SMAP1: variants seen among roughly 807,000 people sequenced by gnomAD.
SMAP1 encodes stromal membrane-associated protein 1.
A neutral mutation model predicts 58.5 loss-of-function variants in SMAP1; 24 were observed. The observed-to-expected ratio is 0.41, with a 90% CI of 0.30 to 0.58. The LOEUF (loss-of-function observed/expected upper bound fraction) is 0.58, where lower values mean the gene tolerates loss of function less well. SMAP1 is among the 20% of genes least tolerant of loss of function. The pLI is 0.29. For missense variants in SMAP1, 563 were observed against 566.3 expected, an observed-to-expected ratio of 0.99 and a Z score of 0.06; for synonymous variants, 216 against 196.6, an observed-to-expected ratio of 1.10 and a Z score of -0.82.
At chr6:70,695,460 A>G (rs941474936) in intron 1 of SMAP1, among the ~76,000 whole-genome samples, 4 of 152,134 alleles carry the variant, frequency 2.6e-5, no homozygotes, top group African/African-American at 9.7e-5. Flanking sequence ...TGTTCCTTCC[A>G]TACCCAATTT....
chr6:70,672,876 ACACACATGTAC>A (rs375274012), intron 1 of SMAP1, among the ~76,000 whole-genome samples: 29 of 152,124 alleles, frequency 1.9e-4, no homozygotes, highest in African/African-American at 7.0e-4. Flanking sequence ...ACAGCTGCAC[ACACACATGTAC>A]CAGTATGAAA....
intron 1 of SMAP1, among the ~76,000 whole-genome samples, chr6:70,680,755 G>T (rs1014088592): frequency 9.2e-6 from 1 of 109,234 alleles, no homozygotes; most frequent in African/African-American, 3.5e-5. Context: ...GTCTCACTGT[G>T]TCTCCCAGGC....
intron 1 of SMAP1, among the ~76,000 whole-genome samples, chr6:70,672,192 A>G (rs1193561465): frequency 4.6e-5 from 7 of 152,206 alleles, no homozygotes; most frequent in Admixed American, 4.6e-4. Context: ...TGATTCTAAA[A>G]CGATGTGCTA....
Position 70,856,976 on chromosome 6 carries a change from G to T in SMAP1, c.907G>T (p.Asp303Tyr). 5 of 1,613,950 alleles carry T rather than the reference G, an allele frequency of 3.1e-6. 1 individual carries two copies. The highest frequency in any genetic ancestry group is 4.2e-6 in the Non-Finnish European group (5 of 1,179,888). Residue 303 changes from aspartate (D) to tyrosine (Y), a missense_variant, in exon 9 of 11, where the codon GAC (aspartate) becomes TAC (tyrosine). Coordinates refer to ENST00000370455, the MANE Select transcript of SMAP1 (RefSeq NM_001044305.3). ...AGTGGCAAAGAAACAACTTTCCAAA[G>T]ACTCCATCTTATCTCTGTATGGCAC... The part of the protein sequence containing the change: ...EEVAKKQLSK[D>Y]SILSLYGTGT...
chr6:70,801,124 A>G (rs988179935), intron 6 of SMAP1, among the ~76,000 whole-genome samples: 3 of 152,184 alleles, frequency 2.0e-5, no homozygotes, highest in African/African-American at 7.2e-5. Context: ...ACTAATTTAT[A>G]CTACCACCAA....
At chr6:70,802,882 TC>T (rs369606851) in intron 6 of SMAP1, among the ~76,000 whole-genome samples, 66,849 of 151,878 alleles carry the variant, frequency 0.44, 14,988 homozygotes, top group South Asian at 0.5. Context: ...GATAAGCTTT[TC>T]GATGTGCTGC....
chr6:70,674,600 A>G (rs1045172797), intron 1 of SMAP1, among the ~76,000 whole-genome samples: 8 of 152,320 alleles, frequency 5.3e-5, no homozygotes, highest in East Asian at 3.9e-4. Context: ...TTTAACAGAC[A>G]TTTAATTTTG....
chr6:70,767,499 A>C (rs547436364), intron 3 of SMAP1, among the ~76,000 whole-genome samples: 35 of 152,212 alleles, frequency 2.3e-4, no homozygotes, highest in African/African-American at 6.0e-4. Context: ...GTATTTTATT[A>C]TCTTTGAAGC....
Position 70,766,316 on chromosome 6 carries a change from A to G in SMAP1, c.339-7034A>G, listed in dbSNP as rs940010858. 8.9e-4 allele frequency among the ~76,000 whole-genome samples: 135 copies of G among 152,312 alleles called. 1 individual carries two copies. The highest frequency in any genetic ancestry group is 2.7e-3 in the African/African-American group (114 of 41,574). ...TCTAGTTCTAGATCCCTGAGGAATC[A>G]ACACACTGACTTCCACAATGGTTGA... On this transcript the variant is annotated intron_variant, in intron 3 of 10. Transcript: ENST00000370455.
intron 6 of SMAP1, among the ~76,000 whole-genome samples, 170 bp from the exon 7 acceptor site, chr6:70,836,771 C>T (rs1184403961): frequency 6.6e-6 from 1 of 152,194 alleles, no homozygotes; most frequent in Non-Finnish European, 1.5e-5. Flanking sequence ...GCAACTTCAA[C>T]AGTCATGTTC....
chr6:70,793,713 T>TA (rs1490405776), intron 5 of SMAP1, among the ~76,000 whole-genome samples: 1 of 151,710 alleles, frequency 6.6e-6, no homozygotes, highest in Non-Finnish European at 1.5e-5. Context: ...TATTTTATTT[T>TA]TATTTATTTA....
chr6:70,860,097 C>T (rs1002143622), intron 10 of SMAP1, 103 bp from the exon 11 acceptor site: 85 of 1,304,376 alleles, frequency 6.5e-5, no homozygotes, highest in Non-Finnish European at 8.4e-5. Context: ...AGTGCTTGGA[C>T]TAGTTGTCAC....
chr6:70,681,618 ACTT>A (rs1766713881), intron 1 of SMAP1, among the ~76,000 whole-genome samples: 1 of 152,162 alleles, frequency 6.6e-6, no homozygotes, highest in South Asian at 2.1e-4. Flanking sequence ...GAAGTGATAA[ACTT>A]CTTGATGCTG....
intron 3 of SMAP1, among the ~76,000 whole-genome samples, chr6:70,766,672 A>C (rs1767002820): frequency 6.6e-6 from 1 of 152,138 alleles, no homozygotes; most frequent in African/African-American, 2.4e-5. Flanking sequence ...ATAGGTTGCA[A>C]AAATTTTCTC....
At chr6:70,673,337 T>C (rs937326482) in intron 1 of SMAP1, among the ~76,000 whole-genome samples, 2 of 152,234 alleles carry the variant, frequency 1.3e-5, no homozygotes, top group African/African-American at 4.8e-5. Flanking sequence ...CGTTTTTTGT[T>C]AGTTGCCCTT....
chr6:70,742,662 C>G (rs1382896813), intron 2 of SMAP1, among the ~76,000 whole-genome samples: 1 of 152,156 alleles, frequency 6.6e-6, no homozygotes, highest in African/African-American at 2.4e-5. Flanking sequence ...GGTATCTTTA[C>G]AGCAGTGCCC....
chr6:70,791,638 A>T lies in SMAP1; in HGVS notation c.415-51A>T, dbSNP rs762643035. ...TTCTTTCCTGTGCCTGTCAATTCTC[A>T]TTACCTTCTTTTTGTTTTTTTCCTC... On this transcript the variant is annotated intron_variant, in intron 4 of 10. Transcript: ENST00000370455. 5.4e-6 allele frequency: 8 copies of T among 1,487,720 alleles called. No homozygotes were observed. In the African/African-American group the frequency reaches 9.8e-5, roughly 18 times the overall value. The allele number at this position is 1,487,720 out of a possible 1,614,324, so 92.2% of individuals were successfully genotyped here. A position where few individuals can be genotyped will look rare whatever the true frequency, so the allele number is the denominator to read the frequency against.
chr6:70,757,514 C>T (rs1223614380), intron 3 of SMAP1, among the ~76,000 whole-genome samples: 3 of 151,930 alleles, frequency 2.0e-5, no homozygotes, highest in Admixed American at 6.6e-5. Context: ...CCAAAATTGA[C>T]AAATGGGATC....
chr6:70,734,343 G>C (rs1582083456), intron 2 of SMAP1, among the ~76,000 whole-genome samples: 1 of 152,106 alleles, frequency 6.6e-6, no homozygotes, highest in South Asian at 2.1e-4. Context: ...GTGGGGTTTT[G>C]CCATGTTGGC....
Sources: allele counts gnomAD v4.1 joint callset (sites outside exome capture counted in the v4.1 genomes callset), GRCh38; gene constraint gnomAD v4.1.1; transcripts MANE v1.5; gene names NCBI Gene and HGNC (gene_info 2026-07-23, HGNC 2026-07-21).